The following TGM6 variants were observed in gnomAD, a reference collection of about 807,000 sequenced individuals.
The protein encoded by TGM6 is transglutaminase 6.
TGM6 carries 74 observed loss-of-function variants against 77.5 expected under a neutral mutation model. The observed-to-expected ratio is 0.96, with a 90% CI of 0.79 to 1.16. The LOEUF is 1.16. Ranked by LOEUF, TGM6 falls within the 50% of genes most tolerant of loss-of-function variation. The probability of loss-of-function intolerance (pLI) is 0.00; values close to 1 mark genes in which losing one functional copy is unlikely to be tolerated. For missense variants in TGM6, 968 were observed against 940.2 expected (o/e 1.03, Z -0.39); for synonymous variants, 383 against 378.9 (o/e 1.01, Z -0.12).
At chr20:2,393,030 G>A (rs182050537) in intron 1 of TGM6, among the ~76,000 whole-genome samples, 175 of 152,336 alleles carry the variant, frequency 1.1e-3, no homozygotes, top group Admixed American at 2.2e-3. Flanking sequence ...TTGAGGGCAA[G>A]CCCACATCTA....
chr20:2,384,823 G>A (rs1477797630), intron 1 of TGM6, among the ~76,000 whole-genome samples: 1 of 152,160 alleles, frequency 6.6e-6, no homozygotes, highest in African/African-American at 2.4e-5. Context: ...CAGGTGGAGG[G>A]AGCACTCTTA....
intron 9 of TGM6, among the ~76,000 whole-genome samples, chr20:2,415,850 A>T (rs1307075355): frequency 6.6e-6 from 1 of 152,094 alleles, no homozygotes; most frequent in East Asian, 1.9e-4. Flanking sequence ...ATTGTTCTGG[A>T]GCTCAAAAGA....
chr20:2,405,354 C>A (rs547002912), intron 9 of TGM6, among the ~76,000 whole-genome samples: 102 of 152,318 alleles, frequency 6.7e-4, no homozygotes, highest in Non-Finnish European at 1.2e-3. Context: ...CATTTTTAAT[C>A]TACCACAGCA....
At chr20:2,393,518 T>A (rs2092379) in intron 1 of TGM6, among the ~76,000 whole-genome samples, 139,125 of 152,250 alleles carry the variant, frequency 0.91, 63,754 homozygotes, top group Non-Finnish European at 0.93. Context: ...TAATGAATCA[T>A]CAATATATAT....
In TGM6 at chr20:2,396,588, G is replaced by A; in HGVS notation, c.507G>A (p.Glu169=). The A allele has an allele frequency of 1.9e-6, 3 of 1,614,224 alleles. No individual in the cohort carries two copies. The highest frequency in any genetic ancestry group is 2.2e-5 in the East Asian group (1 of 44,884). ...SDSGIIFRGV[E]KHIRAQGWNY... is the part of the protein sequence containing the mutation. ...GCGGCATCATCTTCCGAGGCGTGGA[G>A]AAGCACATACGAGCCCAGGGCTGGA... The change falls in exon 4 of 13, where the codon GAG becomes GAA. Residue 169 remains glutamate, a synonymous_variant. Transcript: ENST00000202625.
chr20:2,410,594 C>A (rs569179293), intron 9 of TGM6, among the ~76,000 whole-genome samples: 1 of 152,130 alleles, frequency 6.6e-6, no homozygotes, highest in Non-Finnish European at 1.5e-5. Context: ...GAGTAACCAA[C>A]ACTTGTGACT....
intron 1 of TGM6, among the ~76,000 whole-genome samples, chr20:2,389,669 T>C (rs2084618052): frequency 6.6e-6 from 1 of 152,152 alleles, no homozygotes; most frequent in Admixed American, 6.6e-5. Context: ...ATATAAATAG[T>C]AAATAAGAGG....
intron 9 of TGM6, among the ~76,000 whole-genome samples, chr20:2,414,593 C>T (rs2122401632): frequency 6.6e-6 from 1 of 152,240 alleles, no homozygotes; most frequent in Admixed American, 6.5e-5. Flanking sequence ...CAAACACCCA[C>T]ACAAAAACTT....
intron 10 of TGM6, among the ~76,000 whole-genome samples, chr20:2,424,751 A>G (rs1415999871): frequency 6.6e-6 from 1 of 152,098 alleles, no homozygotes; most frequent in Non-Finnish European, 1.5e-5. Context: ...TTGGCTTTCT[A>G]TGTGCCTTCC....
At chr20:2,403,553 G>T (rs1429654865) in intron 8 of TGM6, 28 bp from the exon 9 acceptor site, 4 of 1,614,112 alleles carry the variant, frequency 2.5e-6, no homozygotes, top group Non-Finnish European at 3.4e-6. Flanking sequence ...CCTTACCCAT[G>T]CTGCTCATGC....
chr20:2,422,568 G>A (rs574616812), intron 10 of TGM6, among the ~76,000 whole-genome samples: 7 of 152,208 alleles, frequency 4.6e-5, no homozygotes, highest in Middle Eastern at 3.4e-3. Context: ...TCTATAAAGC[G>A]TGCAATAGCA....
Position 2,398,037 on chromosome 20 carries a change from C to G in TGM6, c.663C>G (p.Ile221Met), listed in dbSNP as rs376938569. The G allele has an allele frequency of 6.2e-7, 1 of 1,614,178 alleles. No individual in the cohort carries two copies. The highest frequency in any genetic ancestry group is 8.5e-7 in the Non-Finnish European group (1 of 1,180,022). The change falls in exon 5 of 13, where the codon ATC becomes ATG. Residue 221 changes from isoleucine (I) to methionine (M), a missense_variant. By Grantham distance (10) the Ile-to-Met change is conservative (BLOSUM62 1). Transcript: ENST00000202625. ...RHNPIYVTRV[I>M]SAMVNSNNDR... ...ACCCCATCTACGTCACCAGGGTCATCAGTGCCATGGTGAGAAGCCCCTCCA... is the reference window on the plus strand; with the variant it reads ...ACCCCATCTACGTCACCAGGGTCATGAGTGCCATGGTGAGAAGCCCCTCCA...
At chr20:2,424,062 A>G (rs2084872865) in intron 10 of TGM6, among the ~76,000 whole-genome samples, 1 of 152,192 alleles carries the variant, frequency 6.6e-6, no homozygotes, top group Non-Finnish European at 1.5e-5. Flanking sequence ...TTGTTCCTTT[A>G]TGGACCACAG....
At chr20:2,395,079 C>T (rs2084653856) in intron 2 of TGM6, 115 bp from the exon 3 acceptor site, 1 of 1,511,246 alleles carries the variant, frequency 6.6e-7, no homozygotes, top group East Asian at 2.4e-5. Context: ...TCTCCCAAAG[C>T]CTCCCAGAAG....
chr20:2,394,567 G>A lies in TGM6; in HGVS notation c.123G>A (p.Thr41=), dbSNP rs555352330. The change falls in exon 2 of 13, where the codon ACG becomes ACA. Residue 41 remains threonine (T), a synonymous_variant. Coordinates refer to ENST00000202625, the MANE Select transcript of TGM6 (RefSeq NM_198994.3). ...GCAGGGGCCAGTCGTTCAGCCTCACGCTGGAGCTGAGCAGAGCCCTGGACT... is the reference window on the plus strand; with the variant it reads ...GCAGGGGCCAGTCGTTCAGCCTCACACTGGAGCTGAGCAGAGCCCTGGACT... ...VVRRGQSFSL[T]LELSRALDCE... 82 of 1,612,308 alleles carry A rather than the reference G, an allele frequency of 5.1e-5. No homozygotes were observed. The Admixed American group carries it at 7.7e-4, about 15-fold the overall frequency.
chr20:2,395,795 T>C (rs1315833348), intron 3 of TGM6, among the ~76,000 whole-genome samples: 4 of 152,248 alleles, frequency 2.6e-5, no homozygotes, highest in Admixed American at 1.3e-4. Flanking sequence ...CTTATGACTA[T>C]GGTGAACACC....
chr20:2,381,380 C>T (rs1321321770), intron 1 of TGM6, among the ~76,000 whole-genome samples: 1 of 152,164 alleles, frequency 6.6e-6, no homozygotes, highest in African/African-American at 2.4e-5. Flanking sequence ...GAGAGGCCCC[C>T]ACCGGCTGCA....
intron 1 of TGM6, among the ~76,000 whole-genome samples, chr20:2,393,713 T>A (rs1324061025): frequency 1.3e-5 from 2 of 151,812 alleles, no homozygotes; most frequent in Non-Finnish European, 2.9e-5. Flanking sequence ...ATAGTAGAGA[T>A]GAGGTTTCAC....
intron 9 of TGM6, among the ~76,000 whole-genome samples, chr20:2,410,584 G>C (rs376154964): frequency 6.6e-6 from 1 of 152,144 alleles, no homozygotes; most frequent in African/African-American, 2.4e-5. Context: ...GAGTAACCCC[G>C]AGTAACCAAC....
Sources: gnomAD v4.1 joint callset for allele counts (sites outside exome capture counted in the v4.1 genomes callset) on GRCh38, gnomAD v4.1.1 for gene constraint, MANE v1.5 for transcripts, NCBI Gene and HGNC (gene_info 2026-07-23, HGNC 2026-07-21) for gene names.